RBM47: variants seen among roughly 807,000 people sequenced by gnomAD.
RBM47 encodes the protein RNA-binding protein 47.
In RBM47, 21 loss-of-function variants were observed where a neutral mutation model predicts 47.1. The ratio of observed to expected loss-of-function variants is 0.45; its 90% CI spans 0.32 to 0.64. The LOEUF (loss-of-function observed/expected upper bound fraction) is 0.64, where lower values mean the gene tolerates loss of function less well. Among genes scored for constraint, RBM47 ranks in the 30% least tolerant of loss-of-function variants. RBM47 has a pLI of 0.05. For missense variants in RBM47, 708 were observed against 870.9 expected (o/e 0.81, Z 2.35); for synonymous variants, 375 against 361.7 (o/e 1.04, Z -0.42).
chr4:40,502,637 G>A (rs532743861), intron 2 of RBM47, among the ~76,000 whole-genome samples: 1 of 152,316 alleles, frequency 6.6e-6, no homozygotes, highest in East Asian at 1.9e-4. Flanking sequence ...TTGAGCCCAG[G>A]AGTTCAAGAC....
At chr4:40,508,007 G>A (rs754936981) in intron 2 of RBM47, among the ~76,000 whole-genome samples, 5 of 151,822 alleles carry the variant, frequency 3.3e-5, no homozygotes, top group Non-Finnish European at 5.9e-5. Context: ...CGGAGGTTGC[G>A]GTGAGCCGAG....
At chr4:40,605,063 C>T (rs1353681621) in intron 1 of RBM47, among the ~76,000 whole-genome samples, 1 of 151,952 alleles carries the variant, frequency 6.6e-6, no homozygotes, top group East Asian at 1.9e-4. Context: ...GCTCTTGTTG[C>T]CCCGACGGGA....
chr4:40,622,586 A>T (rs1737364150), intron 1 of RBM47, among the ~76,000 whole-genome samples: 1 of 152,196 alleles, frequency 6.6e-6, no homozygotes, highest in South Asian at 2.1e-4. Flanking sequence ...CTTCTGTTTT[A>T]AAAAAGTCAC....
intron 2 of RBM47, among the ~76,000 whole-genome samples, chr4:40,485,558 C>T (rs1351285386): frequency 6.6e-6 from 1 of 152,118 alleles, no homozygotes; most frequent in Non-Finnish European, 1.5e-5. Context: ...GGTGATGGAG[C>T]AGCTTATCAC....
chr4:40,470,063 T>A (rs1183582775), intron 2 of RBM47, among the ~76,000 whole-genome samples: 1 of 152,200 alleles, frequency 6.6e-6, no homozygotes, highest in Non-Finnish European at 1.5e-5. Context: ...TTTGAGAAGG[T>A]TAGTTCCAGT....
intron 1 of RBM47, among the ~76,000 whole-genome samples, chr4:40,555,408 T>G (rs2154265231): frequency 6.6e-6 from 1 of 152,338 alleles, no homozygotes; most frequent in Admixed American, 6.5e-5. Context: ...ACAGCCTTCG[T>G]TTCTTGCAGC....
chr4:40,548,586 G>A (rs1194167255), intron 1 of RBM47, among the ~76,000 whole-genome samples: 1 of 152,226 alleles, frequency 6.6e-6, no homozygotes, highest in Non-Finnish European at 1.5e-5. Flanking sequence ...TCATCATGGC[G>A]TTCAGCTGCA....
At chr4:40,492,599 C>T (rs278986) in intron 2 of RBM47, among the ~76,000 whole-genome samples, 43,534 of 151,978 alleles carry the variant, frequency 0.29, 6,521 homozygotes, top group African/African-American at 0.35. Flanking sequence ...AGACTAGAAC[C>T]TTATCACTAA....
intron 1 of RBM47, among the ~76,000 whole-genome samples, chr4:40,611,697 C>T (rs543385563): frequency 1.3e-5 from 2 of 152,066 alleles, no homozygotes; most frequent in Non-Finnish European, 2.9e-5. Flanking sequence ...CATTGCACTC[C>T]AGCCTGGGCA....
At chr4:40,430,139 A>G (rs943916464) in intron 6 of RBM47, among the ~76,000 whole-genome samples, 1 of 151,950 alleles carries the variant, frequency 6.6e-6, no homozygotes, top group Non-Finnish European at 1.5e-5. Context: ...AGGTTGCAGT[A>G]AGCCGAGATC....
At chr4:40,516,095 TC>T (rs1725534978) in intron 2 of RBM47, 1 of 152,036 alleles carries the variant, frequency 6.6e-6, no homozygotes, top group Non-Finnish European at 1.5e-5. Context: ...ACAACATTTC[TC>T]GTCTTGCCCT....
intron 3 of RBM47, among the ~76,000 whole-genome samples, chr4:40,461,647 G>C (rs1717154043): frequency 6.6e-6 from 1 of 152,190 alleles, no homozygotes; most frequent in Non-Finnish European, 1.5e-5. Flanking sequence ...AGATTTAACA[G>C]GCTGGGCACA....
chr4:40,550,411 A>T (rs139746780), intron 1 of RBM47, among the ~76,000 whole-genome samples: 158 of 152,058 alleles, frequency 1.0e-3, no homozygotes, highest in Non-Finnish European at 1.6e-3. Context: ...AAAATGTGGG[A>T]AGTTTATCAT....
intron 2 of RBM47, among the ~76,000 whole-genome samples, chr4:40,538,511 G>A (rs1040454442): frequency 1.3e-5 from 2 of 152,042 alleles, no homozygotes; most frequent in Non-Finnish European, 2.9e-5. Flanking sequence ...ATTTTTAGTA[G>A]AAACAGGGTT....
At chr4:40,548,428 C>T (rs1047548166) in intron 1 of RBM47, among the ~76,000 whole-genome samples, 7 of 152,304 alleles carry the variant, frequency 4.6e-5, no homozygotes, top group Middle Eastern at 3.4e-3. Flanking sequence ...GAATTTTAAT[C>T]AGGAAGGTGA....
chr4:40,451,987 T>C (rs1715512631), intron 3 of RBM47, among the ~76,000 whole-genome samples: 1 of 152,094 alleles, frequency 6.6e-6, no homozygotes, highest in Admixed American at 6.6e-5. Context: ...CTGGCCAACA[T>C]GGCAAAACCC....
In RBM47 at chr4:40,437,682, A is replaced by C; in HGVS notation, c.1123+89T>G. ...GAGGGCCTTCAGCACCTACCAGCTC[A>C]GCAAATGCCAGCCACGGTATCCCTG... is the stretch of plus-strand genomic sequence containing the variant. On this transcript the variant is annotated intron_variant, in intron 4 of 6. Transcript: ENST00000295971. 2.2e-6 allele frequency: 3 copies of C among 1,362,814 alleles called. No homozygotes were observed. The South Asian group carries it at 4.1e-5, about 18-fold the overall frequency. 84.4% of individuals were successfully genotyped at this position (1,362,814 alleles called of 1,614,324 possible). A position where few individuals can be genotyped will look rare whatever the true frequency, so the allele number is the denominator to read the frequency against.
chr4:40,445,147 G>A (rs532481725), intron 3 of RBM47, among the ~76,000 whole-genome samples: 51 of 147,516 alleles, frequency 3.5e-4, no homozygotes, highest in African/African-American at 1.2e-3. Flanking sequence ...GCTGGTGGAC[G>A]CCTGTAGTCC....
chr4:40,610,048 G>A (rs1019800281), intron 1 of RBM47, among the ~76,000 whole-genome samples: 2 of 151,910 alleles, frequency 1.3e-5, no homozygotes, highest in African/African-American at 4.8e-5. Context: ...CCGAGATCAC[G>A]CCACTGCACT....
Sources: allele counts gnomAD v4.1 joint callset (sites outside exome capture counted in the v4.1 genomes callset), GRCh38; gene constraint gnomAD v4.1.1; transcripts MANE v1.5; gene names NCBI Gene and HGNC (gene_info 2026-07-23, HGNC 2026-07-21).